NECAB1: variants seen among roughly 807,000 people sequenced by gnomAD.
NECAB1 encodes N-terminal EF-hand calcium-binding protein 1.
A neutral mutation model predicts 57.5 loss-of-function variants in NECAB1; 29 were observed. That is an observed-to-expected ratio of 0.50 (90% CI 0.38 to 0.69). The LOEUF (loss-of-function observed/expected upper bound fraction) is 0.69, where lower values mean the gene tolerates loss of function less well. Among genes scored for constraint, NECAB1 ranks in the 30% least tolerant of loss-of-function variants. NECAB1 has a pLI of 0.00. For missense variants in NECAB1, 372 were observed against 413.8 expected, an observed-to-expected ratio of 0.90 and a Z score of 0.88; for synonymous variants, 142 against 147.7, an observed-to-expected ratio of 0.96 and a Z score of 0.28.
chr8:90,891,076 A>G (rs1437675825), intron 5 of NECAB1, among the ~76,000 whole-genome samples: 2 of 152,242 alleles, frequency 1.3e-5, no homozygotes, highest in Non-Finnish European at 2.9e-5. Context: ...AAGTCACTTC[A>G]AGGAAAAGAA....
At position 90,917,409 on chromosome 8, in the gene NECAB1, G is replaced by A. The variant is rs2130118217; in HGVS notation, c.358-83G>A. On this transcript the variant is annotated intron_variant, in intron 5 of 12. Transcript: ENST00000417640. ...TCTCTAGGATCAATCTGGGATTGAT[G>A]GGTACATGGTAAAAGAAAAAAAAAA... The A allele has an allele frequency of 4.2e-6, 5 of 1,201,918 alleles. No individual in the cohort carries two copies. In the South Asian group the frequency reaches 8.2e-5, roughly 20 times the overall value. The allele number at this position is 1,201,918 out of a possible 1,614,324, so 74.5% of individuals were successfully genotyped here.
chr8:90,810,758 T>C (rs184536741), intron 2 of NECAB1, among the ~76,000 whole-genome samples: 1 of 152,124 alleles, frequency 6.6e-6, no homozygotes. Flanking sequence ...ACTTATGTAA[T>C]AAAGGGAACT....
At chr8:90,817,204 T>A (rs1380081907) in intron 2 of NECAB1, among the ~76,000 whole-genome samples, 1 of 151,778 alleles carries the variant, frequency 6.6e-6, no homozygotes, top group Non-Finnish European at 1.5e-5. Flanking sequence ...GTTTTTGTTT[T>A]GTGTTTTGCT....
rs1195393285 is a variant in NECAB1 at position 90,951,159 on chromosome 8, G to A, written c.985G>A (p.Asp329Asn). The change falls in exon 12 of 13, where the codon GAT (aspartate) becomes AAT (asparagine). Residue 329 changes from aspartate (D) to asparagine (N), a missense_variant. Transcript: ENST00000417640. ...YSKTFQRSNVDFLETPELTST... is the reference protein window; with the variant it reads ...YSKTFQRSNVNFLETPELTST... ...CAAGACATTCCAAAGAAGTAATGTGGATTTCTTGGAAACTCCAGAACTCAC... is the reference window on the plus strand; with the variant it reads ...CAAGACATTCCAAAGAAGTAATGTGAATTTCTTGGAAACTCCAGAACTCAC... The A allele has an allele frequency of 6.2e-7, 1 of 1,602,804 alleles. No individual in the cohort carries two copies.
intron 2 of NECAB1, among the ~76,000 whole-genome samples, chr8:90,820,372 A>G (rs1372542343): frequency 6.6e-6 from 1 of 151,988 alleles, no homozygotes; most frequent in African/African-American, 2.4e-5. Context: ...ATGACATGTA[A>G]AGGTCAGAAT....
At chr8:90,879,638 C>T (rs762591259) in intron 4 of NECAB1, among the ~76,000 whole-genome samples, 4 of 152,082 alleles carry the variant, frequency 2.6e-5, no homozygotes, top group East Asian at 1.9e-4. Context: ...TTCCAACTTA[C>T]GAATATTCTA....
rs756308963 is a variant in NECAB1 at position 90,857,998 on chromosome 8, C to A, written c.234-14130C>A. On this transcript the variant is annotated intron_variant, in intron 3 of 12. Coordinates refer to ENST00000417640, the MANE Select transcript of NECAB1 (RefSeq NM_022351.5). ...ATGAAGCATAATTGTTATAGAAAGT[C>A]TTCTGAAACATCACTTGATTTTCAA... 8.7e-4 allele frequency among the ~76,000 whole-genome samples: 132 copies of A among 152,210 alleles called. 1 individual carries two copies. Among genetic ancestry groups the A allele is most frequent in the Admixed American group, 2.0e-3 (31 of 15,282 alleles).
intron 8 of NECAB1, 110 bp downstream of exon 8, chr8:90,928,409 G>C (rs1810329448): frequency 1.4e-6 from 1 of 706,562 alleles, no homozygotes; most frequent in African/African-American, 1.9e-5. Flanking sequence ...TAACAGCCAG[G>C]ATCCCAATGA....
intron 12 of NECAB1, among the ~76,000 whole-genome samples, chr8:90,953,542 G>A (rs1810959896): frequency 1.3e-5 from 2 of 152,278 alleles, no homozygotes; most frequent in Middle Eastern, 3.4e-3. Flanking sequence ...TAGAACAAGA[G>A]GAAAAGTTAG....
intron 3 of NECAB1, among the ~76,000 whole-genome samples, chr8:90,847,715 C>A (rs1812595234): frequency 6.6e-6 from 1 of 152,238 alleles, no homozygotes; most frequent in African/African-American, 2.4e-5. Flanking sequence ...CCCAACACCA[C>A]ATGTAAGCCA....
intron 5 of NECAB1, among the ~76,000 whole-genome samples, chr8:90,899,150 C>A (rs368192141): frequency 3.9e-5 from 6 of 152,292 alleles, no homozygotes; most frequent in African/African-American, 1.4e-4. Flanking sequence ...AGAGGAGTCC[C>A]CCCTGACTTA....
intron 5 of NECAB1, among the ~76,000 whole-genome samples, chr8:90,889,942 T>A (rs1432000919): frequency 7.3e-6 from 1 of 137,560 alleles, no homozygotes; most frequent in Non-Finnish European, 1.5e-5. Flanking sequence ...GTGGTCAACT[T>A]TTAACTGTGT....
At chr8:90,911,005 C>T (rs1809817082) in intron 5 of NECAB1, among the ~76,000 whole-genome samples, 1 of 152,152 alleles carries the variant, frequency 6.6e-6, no homozygotes, top group Non-Finnish European at 1.5e-5. Context: ...TTGTTGCATT[C>T]ATTGTCTATT....
chr8:90,886,431 TAGTATTA>T (rs1419588255), intron 5 of NECAB1, among the ~76,000 whole-genome samples: 13 of 152,236 alleles, frequency 8.5e-5, no homozygotes, highest in African/African-American at 3.1e-4. Flanking sequence ...CTGTCTTTTC[TAGTATTA>T]AGTATTATTA....
intron 3 of NECAB1, among the ~76,000 whole-genome samples, chr8:90,826,671 T>A (rs1476851263): frequency 6.6e-6 from 1 of 151,856 alleles, no homozygotes; most frequent in African/African-American, 2.4e-5. Context: ...AGTTCCAGAA[T>A]TGGGTGTTAT....
intron 11 of NECAB1, 43 bp from the exon 12 acceptor site, chr8:90,951,070 G>A (rs1563547526): frequency 8.1e-7 from 1 of 1,237,914 alleles, no homozygotes; most frequent in Admixed American, 2.3e-5. Context: ...TGGGAAGATT[G>A]TAAATAAAAA....
At position 90,956,403 on chromosome 8, in the gene NECAB1, A is replaced by C. The variant is rs1037292096; in HGVS notation, c.*891A>C. 5.3e-5 allele frequency: 8 copies of C among 151,984 alleles called. No individual in the cohort carries two copies. Among genetic ancestry groups the C allele is most frequent in the African/African-American group, 1.9e-4 (8 of 41,406 alleles). The allele number at this position is 151,984 out of a possible 1,614,324, so 9.4% of individuals were successfully genotyped here. On this transcript the variant is annotated 3_prime_UTR_variant, in exon 13 of 13. Transcript: ENST00000417640. ...AATGAATAACTAAGAAATATAAAAC[A>C]AGCACAAAATCTTAGGGAAGTCATA...
At chr8:90,792,273 G>A (rs11776835) in intron 1 of NECAB1, among the ~76,000 whole-genome samples, 4,262 of 152,316 alleles carry the variant, frequency 0.028, 90 homozygotes, top group Non-Finnish European at 0.044. Flanking sequence ...CAACATTTGA[G>A]TGCATAGGAC....
chr8:90,847,596 C>G (rs954734892), intron 3 of NECAB1, among the ~76,000 whole-genome samples: 1 of 152,248 alleles, frequency 6.6e-6, no homozygotes, highest in African/African-American at 2.4e-5. Context: ...TATGAGGGCT[C>G]TGCTCCTGCA....
Sources: allele counts gnomAD v4.1 joint callset (sites outside exome capture counted in the v4.1 genomes callset), GRCh38; gene constraint gnomAD v4.1.1; transcripts MANE v1.5; gene names NCBI Gene and HGNC (gene_info 2026-07-23, HGNC 2026-07-21).